CHRM3: variants seen among roughly 807,000 people sequenced by gnomAD.
CHRM3 encodes muscarinic acetylcholine receptor M3.
CHRM3 carries 11 observed loss-of-function variants against 41.8 expected under a neutral mutation model. The ratio of observed to expected loss-of-function variants is 0.26; its 90% CI spans 0.17 to 0.44. CHRM3 has a LOEUF of 0.44. Ranked by LOEUF, CHRM3 falls within the 20% of genes least tolerant of loss-of-function variation. The probability of loss-of-function intolerance (pLI) is 1.00; values close to 1 mark genes in which losing one functional copy is unlikely to be tolerated. For synonymous variants in CHRM3, 297 were observed against 301.4 expected, an observed-to-expected ratio of 0.99 and a Z score of 0.15; for missense variants, 571 against 745.4, an observed-to-expected ratio of 0.77 and a Z score of 2.72.
intron 4 of CHRM3, among the ~76,000 whole-genome samples, chr1:239,658,611 TAA>T (rs1378559897): frequency 1.3e-5 from 2 of 152,216 alleles, no homozygotes; most frequent in African/African-American, 4.8e-5. Flanking sequence ...CAATCAATAA[TAA>T]CTGACTGATT....
intron 3 of CHRM3, among the ~76,000 whole-genome samples, chr1:239,579,037 G>A (rs1466256338): frequency 6.6e-6 from 1 of 152,144 alleles, no homozygotes; most frequent in African/African-American, 2.4e-5. Context: ...TAGCATGAAT[G>A]TTTCACCACT....
intron 5 of CHRM3, chr1:239,826,883 C>T (rs1262457834): frequency 6.6e-6 from 1 of 152,106 alleles, no homozygotes; most frequent in African/African-American, 2.4e-5. Context: ...GCAGAGCTGG[C>T]CTGTGGTGGA....
At chr1:239,417,795 G>T (rs1391015600) in intron 1 of CHRM3, among the ~76,000 whole-genome samples, 1 of 151,972 alleles carries the variant, frequency 6.6e-6, no homozygotes, top group African/African-American at 2.4e-5. Flanking sequence ...CAAATCTTTA[G>T]CCCTGGACAA....
chr1:239,632,318 T>C (rs1213360975), intron 4 of CHRM3, 32 bp downstream of exon 4: 1 of 152,188 alleles, frequency 6.6e-6, no homozygotes, highest in African/African-American at 2.4e-5. Context: ...AGCTATTTCC[T>C]TGAAAAGGGG....
chr1:239,685,838 CA>C (rs1157768347), intron 5 of CHRM3, among the ~76,000 whole-genome samples: 1 of 151,578 alleles, frequency 6.6e-6, no homozygotes, highest in African/African-American at 2.4e-5. Flanking sequence ...AACAAACAAA[CA>C]AAAAATAAGA....
intron 1 of CHRM3, among the ~76,000 whole-genome samples, chr1:239,416,047 A>C (rs1661476759): frequency 6.6e-6 from 1 of 152,224 alleles, no homozygotes; most frequent in Admixed American, 6.5e-5. Context: ...AGAGAAATAA[A>C]AGAGGCTCTT....
At chr1:239,697,137 T>C (rs1472084908) in intron 5 of CHRM3, among the ~76,000 whole-genome samples, 1 of 152,184 alleles carries the variant, frequency 6.6e-6, no homozygotes, top group East Asian at 1.9e-4. Flanking sequence ...ATGTCTGATA[T>C]GGTTTGGCTG....
intron 3 of CHRM3, among the ~76,000 whole-genome samples, chr1:239,573,666 G>A (rs1030085641): frequency 2.0e-5 from 3 of 151,900 alleles, no homozygotes; most frequent in Non-Finnish European, 2.9e-5. Flanking sequence ...CTGCTAATAG[G>A]TACTCCAGCC....
intron 3 of CHRM3, among the ~76,000 whole-genome samples, chr1:239,595,057 C>G (rs1328656316): frequency 1.3e-5 from 2 of 152,148 alleles, no homozygotes; most frequent in Non-Finnish European, 2.9e-5. Context: ...CCATTGCACT[C>G]CAGCCTGGGC....
At chr1:239,430,706 C>T (rs942578053) in intron 1 of CHRM3, among the ~76,000 whole-genome samples, 2 of 151,564 alleles carry the variant, frequency 1.3e-5, no homozygotes, top group South Asian at 4.2e-4. Flanking sequence ...CACACATACA[C>T]ACACATATGT....
intron 2 of CHRM3, among the ~76,000 whole-genome samples, chr1:239,532,009 CTTTTTTTTT>C (rs34798101): frequency 1.2e-4 from 9 of 76,292 alleles, no homozygotes; most frequent in African/African-American, 4.0e-4. Flanking sequence ...TTCCTTCTTT[CTTTTTTTTT>C]TTTTTTTTTT....
chr1:239,901,134 G>C (rs1679517945), intron 6 of CHRM3, among the ~76,000 whole-genome samples: 1 of 152,142 alleles, frequency 6.6e-6, no homozygotes, highest in Non-Finnish European at 1.5e-5. Context: ...GCACCAGACA[G>C]GAGGGCATGA....
intron 3 of CHRM3, among the ~76,000 whole-genome samples, chr1:239,607,599 G>GC (rs1553339178): frequency 6.6e-6 from 1 of 151,878 alleles, no homozygotes; most frequent in Non-Finnish European, 1.5e-5. Context: ...TCTCATGGGA[G>GC]TTTTTTTACA....
At chr1:239,688,423 A>G (rs916910624) in intron 5 of CHRM3, among the ~76,000 whole-genome samples, 1 of 143,338 alleles carries the variant, frequency 7.0e-6, no homozygotes, top group African/African-American at 2.5e-5. Context: ...ATAAATATAT[A>G]TAAATATATT....
At chr1:239,599,388 T>C (rs765250389) in intron 3 of CHRM3, among the ~76,000 whole-genome samples, 39 of 151,964 alleles carry the variant, frequency 2.6e-4, no homozygotes, top group Non-Finnish European at 4.3e-4. Flanking sequence ...TCCTCAAATA[T>C]TAATGTTCTG....
chr1:239,644,611 A>G (rs1026879907), intron 4 of CHRM3, among the ~76,000 whole-genome samples: 2 of 152,170 alleles, frequency 1.3e-5, no homozygotes, highest in African/African-American at 4.8e-5. Context: ...AGCAACCAAA[A>G]TTCTTATCAG....
intron 6 of CHRM3, among the ~76,000 whole-genome samples, chr1:239,851,179 T>A (rs542259618): frequency 6.6e-6 from 1 of 152,270 alleles, no homozygotes; most frequent in African/African-American, 2.4e-5. Context: ...CATTTTGAAG[T>A]CAGGGTAATG....
chr1:239,616,858 A>T (rs1006666243), intron 3 of CHRM3, among the ~76,000 whole-genome samples: 2 of 111,164 alleles, frequency 1.8e-5, no homozygotes, highest in Admixed American at 1.6e-4. Context: ...AAATATTCCA[A>T]ATCCATTAGT....
At chr1:239,900,621 T>C (rs947986674) in intron 6 of CHRM3, among the ~76,000 whole-genome samples, 18 of 151,838 alleles carry the variant, frequency 1.2e-4, no homozygotes, top group African/African-American at 3.6e-4. Flanking sequence ...TTGATATGAA[T>C]AGATTGGGGA....
Sources: gnomAD v4.1 joint callset for allele counts (sites outside exome capture counted in the v4.1 genomes callset) on GRCh38, gnomAD v4.1.1 for gene constraint, MANE v1.5 for transcripts, NCBI Gene and HGNC (gene_info 2026-07-23, HGNC 2026-07-21) for gene names.